Variants in SEMA3A observed in about 807,000 individuals in gnomAD.
The protein encoded by SEMA3A is semaphorin 3A, also known as semaphorin-3A.
In SEMA3A, 29 loss-of-function variants were observed where a neutral mutation model predicts 97.9. The observed-to-expected ratio is 0.30, with a 90% CI of 0.22 to 0.40. The LOEUF (loss-of-function observed/expected upper bound fraction) is 0.40, where lower values mean the gene tolerates loss of function less well. Among genes scored for constraint, SEMA3A ranks in the 10% least tolerant of loss-of-function variants. The pLI is 1.00. For synonymous variants in SEMA3A, 321 were observed against 323.7 expected, an observed-to-expected ratio of 0.99 and a Z score of 0.09; for missense variants, 763 against 951.3, an observed-to-expected ratio of 0.80 and a Z score of 2.60.
At chr7:84,341,359 T>C (rs960261594) in intron 2 of SEMA3A, among the ~76,000 whole-genome samples, 1 of 152,200 alleles carries the variant, frequency 6.6e-6, no homozygotes, top group African/African-American at 2.4e-5. Flanking sequence ...TTATCAATCT[T>C]CAAAGAATAT....
intron 1 of SEMA3A, among the ~76,000 whole-genome samples, chr7:84,187,273 A>AT (rs757160077): frequency 1.3e-5 from 2 of 152,214 alleles, no homozygotes; most frequent in African/African-American, 4.8e-5. Flanking sequence ...TTCAGATACA[A>AT]TAAGACTGAG....
At chr7:84,404,642 G>A (rs1357697702) in intron 1 of SEMA3A, among the ~76,000 whole-genome samples, 1 of 152,162 alleles carries the variant, frequency 6.6e-6, no homozygotes, top group Non-Finnish European at 1.5e-5. Context: ...GGCAGCCAGA[G>A]AGAAAGGTCG....
intron 1 of SEMA3A, among the ~76,000 whole-genome samples, chr7:84,422,348 G>A (rs1042748330): frequency 1.3e-5 from 2 of 151,806 alleles, no homozygotes; most frequent in Non-Finnish European, 2.9e-5. Context: ...GTATTTCTGT[G>A]GGATCAGTGG....
intron 2 of SEMA3A, among the ~76,000 whole-genome samples, chr7:84,338,579 C>A (rs938385083): frequency 5.9e-5 from 9 of 152,100 alleles, no homozygotes; most frequent in Admixed American, 5.9e-4. Context: ...TATTCCTTTG[C>A]AGCTAAGAAT....
intron 1 of SEMA3A, among the ~76,000 whole-genome samples, chr7:84,446,577 GA>G (rs1805419961): frequency 6.6e-6 from 1 of 152,156 alleles, no homozygotes; most frequent in African/African-American, 2.4e-5. Flanking sequence ...GTCATCTTAA[GA>G]TGTACAAAAA....
intron 6 of SEMA3A, among the ~76,000 whole-genome samples, chr7:84,038,600 C>A (rs542268063): frequency 6.6e-6 from 1 of 152,104 alleles, no homozygotes; most frequent in South Asian, 2.1e-4. Context: ...GACAGTAGGT[C>A]TCCATGCTGT....
At chr7:84,229,135 G>T (rs903645463) in intron 3 of SEMA3A, among the ~76,000 whole-genome samples, 1 of 151,776 alleles carries the variant, frequency 6.6e-6, no homozygotes, top group African/African-American at 2.4e-5. Context: ...TTACAAGGTT[G>T]CTTTAAAATT....
At chr7:84,336,900 T>A (rs190778436) in intron 2 of SEMA3A, among the ~76,000 whole-genome samples, 2 of 152,278 alleles carry the variant, frequency 1.3e-5, no homozygotes, top group African/African-American at 4.8e-5. Flanking sequence ...GAAGTCTAAC[T>A]TAAATATAAT....
intron 1 of SEMA3A, among the ~76,000 whole-genome samples, chr7:84,177,149 C>A (rs563766586): frequency 6.6e-6 from 1 of 152,072 alleles, no homozygotes; most frequent in East Asian, 1.9e-4. Flanking sequence ...AAGAATAAAC[C>A]CATAATCCAG....
chr7:83,994,859 C>G (rs199783448), intron 12 of SEMA3A, among the ~76,000 whole-genome samples: 16 of 151,890 alleles, frequency 1.1e-4, no homozygotes, highest in Admixed American at 6.6e-5. Context: ...TGGAACTTCC[C>G]GGCTGCTTTG....
chr7:84,348,115 T>C (rs935139440), intron 2 of SEMA3A, among the ~76,000 whole-genome samples: 13 of 152,248 alleles, frequency 8.5e-5, no homozygotes, highest in Non-Finnish European at 1.5e-4. Flanking sequence ...CTCCAAAAAA[T>C]GTCTCTTTTA....
intron 15 of SEMA3A, among the ~76,000 whole-genome samples, chr7:83,965,667 T>TA (rs1174121912): frequency 2.9e-3 from 29 of 9,988 alleles, no homozygotes; most frequent in East Asian, 0.012. Context: ...TATATATATA[T>TA]TTTTTTTTTT....
chr7:84,188,399 G>A (rs1797945527), intron 1 of SEMA3A, among the ~76,000 whole-genome samples: 1 of 151,858 alleles, frequency 6.6e-6, no homozygotes, highest in Non-Finnish European at 1.5e-5. Context: ...GATAGTAGCT[G>A]GAGACATTCA....
At chr7:84,090,509 A>G (rs554405979) in intron 4 of SEMA3A, among the ~76,000 whole-genome samples, 1 of 152,288 alleles carries the variant, frequency 6.6e-6, no homozygotes, top group South Asian at 2.1e-4. Context: ...CTAAATGCAA[A>G]AAAAACAAAA....
chr7:84,389,862 A>G (rs566838814), intron 1 of SEMA3A, among the ~76,000 whole-genome samples: 2 of 152,276 alleles, frequency 1.3e-5, no homozygotes, highest in East Asian at 1.9e-4. Context: ...TAAAATTGTA[A>G]TCATCTAAAA....
chr7:84,184,024 T>C (rs1797805834), intron 1 of SEMA3A, among the ~76,000 whole-genome samples: 1 of 152,160 alleles, frequency 6.6e-6, no homozygotes, highest in Admixed American at 6.6e-5. Context: ...GATGTTTATA[T>C]AGTTGTGAAC....
intron 1 of SEMA3A, among the ~76,000 whole-genome samples, chr7:84,390,233 A>G (rs1803505021): frequency 6.6e-6 from 1 of 151,834 alleles, no homozygotes; most frequent in South Asian, 2.1e-4. Context: ...TAAGACTTGT[A>G]AAATTTCTTT....
At chr7:84,175,594 G>T (rs34586908) in intron 1 of SEMA3A, among the ~76,000 whole-genome samples, 12,907 of 152,164 alleles carry the variant, frequency 0.085, 801 homozygotes, top group African/African-American at 0.17. Context: ...GGTTGGAAAG[G>T]GGAATTTTCT....
chr7:84,113,522 A>G (rs1227788142), intron 3 of SEMA3A, among the ~76,000 whole-genome samples: 1 of 152,194 alleles, frequency 6.6e-6, no homozygotes, highest in Non-Finnish European at 1.5e-5. Context: ...TTCTTGAACC[A>G]TGACGATTCT....
Sources: gnomAD v4.1 joint callset for allele counts (sites outside exome capture counted in the v4.1 genomes callset) on GRCh38, gnomAD v4.1.1 for gene constraint, MANE v1.5 for transcripts, NCBI Gene and HGNC (gene_info 2026-07-23, HGNC 2026-07-21) for gene names.